Variants in CAB39L observed in about 807,000 individuals in gnomAD.
CAB39L encodes the protein calcium binding protein 39 like, also known as calcium-binding protein 39-like.
Under a neutral mutation model 39.1 loss-of-function variants are expected in CAB39L, and 23 were observed. The observed-to-expected ratio is 0.59, with a 90% confidence interval of 0.42 to 0.83. The LOEUF (loss-of-function observed/expected upper bound fraction) is 0.83. Ranked by LOEUF, CAB39L falls within the 40% of genes least tolerant of loss-of-function variation. The pLI is 0.00. For missense variants in CAB39L, 366 were observed against 391.9 expected (o/e 0.93, Z 0.56); for synonymous variants, 126 against 137.2 (o/e 0.92, Z 0.57).
intron 3 of CAB39L, among the ~76,000 whole-genome samples, chr13:49,397,774 C>T (rs74072577): frequency 0.058 from 8,788 of 152,004 alleles, 567 homozygotes; most frequent in African/African-American, 0.15. Flanking sequence ...CTTATAGCAG[C>T]GATCTGAACC....
intron 9 of CAB39L, among the ~76,000 whole-genome samples, chr13:49,337,053 G>C (rs1954868830): frequency 6.6e-6 from 1 of 152,170 alleles, no homozygotes; most frequent in African/African-American, 2.4e-5. Context: ...TTAACACCCA[G>C]TGAGGGTACA....
In CAB39L at chr13:49,350,884, A is replaced by G. The variant is rs781092536; in HGVS notation, c.424T>C (p.Cys142Arg). The G allele has an allele frequency of 3.7e-6, 6 of 1,601,352 alleles. No homozygotes were observed. In the East Asian group the frequency reaches 1.3e-4, roughly 36 times the overall value. The change falls in exon 7 of 11, where the codon TGT (cysteine) becomes CGT (arginine). Residue 142 changes from cysteine (C) to arginine (R), a missense_variant. By Grantham distance (180) the Cys-to-Arg change is radical. Transcript: ENST00000409308. ...GYEAPQIALR[C>R]GIMLRECIRH... ...ATACATTCTCTCAGCATAATCCCAC[A>G]ACGTAAGGCAATCTGTGGGGCTTCA...
intron 1 of CAB39L, among the ~76,000 whole-genome samples, chr13:49,437,715 A>C (rs79646613): frequency 1.3e-5 from 2 of 152,192 alleles, no homozygotes; most frequent in Non-Finnish European, 2.9e-5. Flanking sequence ...CATATCAATA[A>C]ATTTGTATGG....
intron 3 of CAB39L, 74 bp from the exon 4 acceptor site, chr13:49,383,015 TA>T: frequency 3.3e-6 from 2 of 597,466 alleles, no homozygotes; most frequent in East Asian, 6.1e-5. Context: ...CAATGTCTTA[TA>T]AGTTTTCAAT....
intron 1 of CAB39L, among the ~76,000 whole-genome samples, chr13:49,437,561 T>A (rs186300055): frequency 1.5e-4 from 23 of 152,292 alleles, no homozygotes; most frequent in Admixed American, 7.2e-4. Flanking sequence ...ATTATCTGTA[T>A]TCTGCTACCC....
chr13:49,359,557 T>C (rs1955574704), intron 6 of CAB39L, among the ~76,000 whole-genome samples, 157 bp downstream of exon 6: 1 of 152,172 alleles, frequency 6.6e-6, no homozygotes, highest in Non-Finnish European at 1.5e-5. Flanking sequence ...GCTGCAGTAA[T>C]CATAGAGACA....
intron 3 of CAB39L, among the ~76,000 whole-genome samples, chr13:49,419,009 C>T (rs917316391): frequency 6.6e-6 from 1 of 152,154 alleles, no homozygotes; most frequent in Non-Finnish European, 1.5e-5. Context: ...CACTCTGTTG[C>T]CCATGCTGGG....
At chr13:49,343,478 G>C (rs923234918) in intron 8 of CAB39L, among the ~76,000 whole-genome samples, 3 of 152,104 alleles carry the variant, frequency 2.0e-5, no homozygotes, top group Admixed American at 6.6e-5. Context: ...GTGTCCTGCA[G>C]ATAAGATTCC....
At chr13:49,359,130 A>G (rs1358735098) in intron 6 of CAB39L, among the ~76,000 whole-genome samples, 1 of 152,158 alleles carries the variant, frequency 6.6e-6, no homozygotes, top group Non-Finnish European at 1.5e-5. Context: ...TGCTACACCT[A>G]GATCTCCAGT....
chr13:49,319,229 C>T (rs746979991), intron 10 of CAB39L, among the ~76,000 whole-genome samples: 2 of 151,920 alleles, frequency 1.3e-5, no homozygotes, highest in East Asian at 1.9e-4. Context: ...GGTGACACAG[C>T]GAGACCCTGT....
intron 8 of CAB39L, among the ~76,000 whole-genome samples, chr13:49,342,089 G>A (rs1008750215): frequency 6.6e-6 from 1 of 152,158 alleles, no homozygotes; most frequent in Non-Finnish European, 1.5e-5. Context: ...TGATTTGAAT[G>A]TGTGAAGATA....
chr13:49,348,520 A>T (rs189889797), intron 7 of CAB39L, among the ~76,000 whole-genome samples: 2 of 152,228 alleles, frequency 1.3e-5, no homozygotes, highest in East Asian at 3.9e-4. Context: ...ATGAGCTGAG[A>T]TTGCACCACT....
chr13:49,421,316 C>T (rs1367413392), intron 3 of CAB39L, among the ~76,000 whole-genome samples: 2 of 152,154 alleles, frequency 1.3e-5, no homozygotes, highest in African/African-American at 2.4e-5. Flanking sequence ...AAAAGTGAAA[C>T]TCCACCCGAC....
intron 4 of CAB39L, among the ~76,000 whole-genome samples, chr13:49,378,286 G>T (rs1956144703): frequency 1.2e-5 from 1 of 82,728 alleles, no homozygotes; most frequent in Non-Finnish European, 2.4e-5. Context: ...CCCCCGCCCG[G>T]CCAGCCGCCC....
intron 1 of CAB39L, among the ~76,000 whole-genome samples, chr13:49,435,190 C>A (rs937844306): frequency 6.6e-6 from 1 of 152,168 alleles, no homozygotes; most frequent in Admixed American, 6.5e-5. Flanking sequence ...AAGACGGTGA[C>A]TTGGAAGGGG....
chr13:49,366,344 T>C (rs921342600), intron 5 of CAB39L, among the ~76,000 whole-genome samples: 1 of 151,742 alleles, frequency 6.6e-6, no homozygotes, highest in Admixed American at 6.6e-5. Context: ...CACTACCTAC[T>C]ATGTACCCAC....
intron 5 of CAB39L, among the ~76,000 whole-genome samples, chr13:49,360,456 G>C (rs886941822): frequency 6.6e-6 from 1 of 152,160 alleles, no homozygotes; most frequent in Non-Finnish European, 1.5e-5. Context: ...TGAGACAGAG[G>C]AACCAGATAT....
At chr13:49,341,935 G>A (rs1426493813) in intron 8 of CAB39L, among the ~76,000 whole-genome samples, 1 of 151,998 alleles carries the variant, frequency 6.6e-6, no homozygotes, top group Non-Finnish European at 1.5e-5. Flanking sequence ...TGATTCTGTG[G>A]CTATTTCCTT....
At chr13:49,386,962 C>T (rs1956379107) in intron 3 of CAB39L, among the ~76,000 whole-genome samples, 1 of 152,190 alleles carries the variant, frequency 6.6e-6, no homozygotes, top group South Asian at 2.1e-4. Flanking sequence ...CTACTCCAAT[C>T]ACATCATTTA....
Sources: gnomAD v4.1 joint callset for allele counts (sites outside exome capture counted in the v4.1 genomes callset) on GRCh38, gnomAD v4.1.1 for gene constraint, MANE v1.5 for transcripts, NCBI Gene and HGNC (gene_info 2026-07-23, HGNC 2026-07-21) for gene names.